Variants in PTPRT observed in about 807,000 individuals in gnomAD.
PTPRT encodes receptor-type tyrosine-protein phosphatase T.
PTPRT carries 56 observed loss-of-function variants against 176.8 expected under a neutral mutation model. The ratio of observed to expected loss-of-function variants is 0.32; its 90% CI spans 0.26 to 0.40. The LOEUF (loss-of-function observed/expected upper bound fraction) is 0.40. PTPRT is among the 10% of genes least tolerant of loss of function. The pLI is 1.00. For synonymous variants in PTPRT, 783 were observed against 739.0 expected, an observed-to-expected ratio of 1.06 and a Z score of -0.96; for missense variants, 1,540 against 1,908.2, an observed-to-expected ratio of 0.81 and a Z score of 3.60.
chr20:43,124,998 A>AT (rs551043648), intron 1 of PTPRT, among the ~76,000 whole-genome samples: 12,714 of 146,236 alleles, frequency 0.087, 650 homozygotes, highest in Middle Eastern at 0.15. Context: ...GATTTGGGAA[A>AT]TTTTTTTTTT....
chr20:42,881,572 A>C (rs1264305127), intron 2 of PTPRT, among the ~76,000 whole-genome samples: 1 of 152,016 alleles, frequency 6.6e-6, no homozygotes, highest in East Asian at 1.9e-4. Flanking sequence ...TAAAAATACA[A>C]AAGTTAGCCA....
chr20:43,119,110 T>C (rs1600725695), intron 1 of PTPRT, among the ~76,000 whole-genome samples: 1 of 152,206 alleles, frequency 6.6e-6, no homozygotes, highest in East Asian at 1.9e-4. Flanking sequence ...CATAAGAATA[T>C]GTAATGATAT....
In PTPRT at chr20:43,129,613, CT is replaced by C. The variant is rs869293740; in HGVS notation, c.88+60032del. On this transcript the variant is annotated intron_variant, in intron 1 of 30. Coordinates refer to ENST00000373187, the MANE Select transcript of PTPRT (RefSeq NM_007050.6). ...CTCCCCTCCCCGACTCCAAAGAGTT[CT>C]TTTTTTTTTTTTTTTTTTTTTTGAG... is the stretch of plus-strand genomic sequence containing the variant. Among the ~76,000 whole-genome samples the C allele has an allele frequency of 7.7e-3, 676 of 87,248 alleles. 2 individuals carry two copies. Among genetic ancestry groups the C allele is most frequent in the African/African-American group, 0.019 (406 of 21,730 alleles). The allele number at this position is 87,248 out of a possible 152,430, so 57.2% of individuals were successfully genotyped here. A position where few individuals can be genotyped will look rare whatever the true frequency, so the allele number is the denominator to read the frequency against.
At chr20:43,073,974 G>A (rs900375366) in intron 1 of PTPRT, among the ~76,000 whole-genome samples, 5 of 152,016 alleles carry the variant, frequency 3.3e-5, no homozygotes, top group Admixed American at 6.5e-5. Flanking sequence ...GGCTGGTCTC[G>A]AACTCCTGGG....
chr20:43,183,544 T>C (rs1486137210), intron 1 of PTPRT, among the ~76,000 whole-genome samples: 1 of 152,244 alleles, frequency 6.6e-6, no homozygotes, highest in Non-Finnish European at 1.5e-5. Flanking sequence ...CCATAAAATT[T>C]CATCCATCAT....
intron 16 of PTPRT, among the ~76,000 whole-genome samples, chr20:42,180,408 C>T (rs1320888948): frequency 6.6e-6 from 1 of 152,166 alleles, no homozygotes; most frequent in Non-Finnish European, 1.5e-5. Flanking sequence ...CAATCCTCCT[C>T]CACTTATGAC....
intron 3 of PTPRT, among the ~76,000 whole-genome samples, chr20:42,787,511 CT>C (rs1341291440): frequency 2.0e-5 from 3 of 152,172 alleles, no homozygotes; most frequent in Non-Finnish European, 4.4e-5. Flanking sequence ...CATCACACAG[CT>C]TTTTCAAAAT....
intron 7 of PTPRT, among the ~76,000 whole-genome samples, chr20:42,489,130 T>C (rs1422952994): frequency 6.6e-6 from 1 of 151,858 alleles, no homozygotes; most frequent in South Asian, 2.1e-4. Context: ...CTTTAAGTTT[T>C]AGGGTACATG....
chr20:42,687,097 T>G (rs774086997), intron 6 of PTPRT: 12 of 152,182 alleles, frequency 7.9e-5, no homozygotes, highest in African/African-American at 1.2e-4. Flanking sequence ...TAAACTGTCT[T>G]TGCTACTAAT....
intron 15 of PTPRT, among the ~76,000 whole-genome samples, chr20:42,223,040 A>T (rs2055921239): frequency 2.0e-5 from 3 of 152,142 alleles, no homozygotes. Flanking sequence ...AACATCCCAT[A>T]CATTTGGTCA....
chr20:42,456,868 G>T (rs2070934839), intron 8 of PTPRT, among the ~76,000 whole-genome samples: 1 of 152,124 alleles, frequency 6.6e-6, no homozygotes, highest in African/African-American at 2.4e-5. Flanking sequence ...AAGTGTGTAA[G>T]ATTAGGATTA....
At chr20:42,251,503 C>T (rs554887729) in intron 13 of PTPRT, among the ~76,000 whole-genome samples, 65 of 152,080 alleles carry the variant, frequency 4.3e-4, no homozygotes, top group African/African-American at 1.5e-3. Flanking sequence ...CAAACTTGAA[C>T]CCTGTTAAGG....
chr20:42,787,953 T>C (rs2077316022), intron 3 of PTPRT, among the ~76,000 whole-genome samples: 1 of 152,154 alleles, frequency 6.6e-6, no homozygotes, highest in South Asian at 2.1e-4. Flanking sequence ...TATTACTAAA[T>C]TCCAAACATT....
chr20:42,815,264 G>C (rs1020818216), intron 2 of PTPRT, among the ~76,000 whole-genome samples: 4 of 152,114 alleles, frequency 2.6e-5, no homozygotes, highest in Non-Finnish European at 4.4e-5. Flanking sequence ...TTGGTCAATT[G>C]TGTCCTCTTA....
At chr20:43,123,774 C>T (rs117119246) in intron 1 of PTPRT, among the ~76,000 whole-genome samples, 1 of 152,140 alleles carries the variant, frequency 6.6e-6, no homozygotes, top group African/African-American at 2.4e-5. Context: ...GCACTATGAC[C>T]CAGCTGAAAG....
chr20:42,502,765 T>C (rs1313019926), intron 7 of PTPRT, among the ~76,000 whole-genome samples: 1 of 152,120 alleles, frequency 6.6e-6, no homozygotes, highest in African/African-American at 2.4e-5. Flanking sequence ...AACATTCATG[T>C]ATTTATCTCC....
chr20:42,397,346 T>C (rs564841755), intron 9 of PTPRT, among the ~76,000 whole-genome samples: 51 of 152,336 alleles, frequency 3.3e-4, no homozygotes, highest in African/African-American at 1.2e-3. Context: ...TGCCAGTTTG[T>C]TACAAAGGTA....
rs555593010 is a variant in PTPRT at position 42,322,866 on chromosome 20, A to G, written c.1866-6870T>C. Among the ~76,000 whole-genome samples, 8 of 152,282 alleles carry G rather than the reference A, an allele frequency of 5.3e-5. No individual in the cohort carries two copies. In the South Asian group the frequency reaches 1.7e-3, roughly 32 times the overall value. ...AATTTTTGCAGCCTACTCATCTGAC[A>G]AAGGGCTAATATCCAGAATCTACAA... On this transcript the variant is annotated intron_variant, in intron 11 of 30. Transcript: ENST00000373187.
At chr20:42,469,121 T>C (rs1456831210) in intron 8 of PTPRT, among the ~76,000 whole-genome samples, 1 of 152,132 alleles carries the variant, frequency 6.6e-6, no homozygotes. Context: ...ATATAGTACC[T>C]TATAACATGC....
Sources: gnomAD v4.1 joint callset for allele counts (sites outside exome capture counted in the v4.1 genomes callset) on GRCh38, gnomAD v4.1.1 for gene constraint, MANE v1.5 for transcripts, NCBI Gene and HGNC (gene_info 2026-07-23, HGNC 2026-07-21) for gene names.